Variants in TMEM131L observed in about 807,000 individuals in gnomAD.
TMEM131L encodes the protein transmembrane 131 like.
A neutral mutation model predicts 192.2 loss-of-function variants in TMEM131L; 54 were observed. The ratio of observed to expected loss-of-function variants is 0.28; its 90% CI spans 0.23 to 0.35. The LOEUF (loss-of-function observed/expected upper bound fraction) is 0.35. Ranked by LOEUF, TMEM131L falls within the 10% of genes least tolerant of loss-of-function variation. The probability of loss-of-function intolerance (pLI) is 1.00; values close to 1 mark genes in which losing one functional copy is unlikely to be tolerated. For synonymous variants in TMEM131L, 701 were observed against 704.9 expected (o/e 0.99, Z 0.09); for missense variants, 1,888 against 1,972.9 (o/e 0.96, Z 0.82).
chr4:153,617,999 A>T (rs1733114686), intron 26 of TMEM131L, among the ~76,000 whole-genome samples: 1 of 151,848 alleles, frequency 6.6e-6, no homozygotes, highest in Non-Finnish European at 1.5e-5. Flanking sequence ...AATATTGTGT[A>T]TCAGAGATTT....
chr4:153,593,737 T>G (rs1578822211), intron 18 of TMEM131L, 62 bp from the exon 19 acceptor site: 4 of 1,082,386 alleles, frequency 3.7e-6, no homozygotes. Context: ...CACACACTTA[T>G]TAAATCTTTC....
Position 153,562,449 on chromosome 4 carries a change from G to A in TMEM131L, c.660+4081G>A, listed in dbSNP as rs80120098. Among the ~76,000 whole-genome samples, 580 of 152,284 alleles carry A rather than the reference G, an allele frequency of 3.8e-3. 4 individuals carry two copies. The highest frequency in any genetic ancestry group is 0.013 in the African/African-American group (544 of 41,554). ...AAAAAATCTTGACTATAATATTTCT[G>A]CATCTAAATTGCATACATTATGTGA... On this transcript the variant is annotated intron_variant, in intron 7 of 34. Coordinates refer to ENST00000409959, the MANE Select transcript of TMEM131L (RefSeq NM_001131007.2).
intron 21 of TMEM131L, among the ~76,000 whole-genome samples, chr4:153,599,913 T>C (rs534726083): frequency 5.9e-5 from 9 of 152,002 alleles, no homozygotes; most frequent in Admixed American, 3.9e-4. Context: ...CAAAAATTAG[T>C]CAGGCATGGT....
intron 26 of TMEM131L, among the ~76,000 whole-genome samples, chr4:153,617,254 T>G (rs1433057398): frequency 6.6e-6 from 1 of 152,232 alleles, no homozygotes. Flanking sequence ...CTGCCATGAT[T>G]GTGAGGCCTC....
At chr4:153,508,707 C>G (rs1328128052) in intron 3 of TMEM131L, among the ~76,000 whole-genome samples, 2 of 150,118 alleles carry the variant, frequency 1.3e-5, no homozygotes, top group African/African-American at 4.9e-5. Flanking sequence ...GCTCGGACAC[C>G]CAGGCTGGAG....
rs143110134 is a variant in TMEM131L, at chr4:153,551,144, T to G, written c.308+1003T>G. 2.6e-5 allele frequency among the ~76,000 whole-genome samples: 4 copies of G among 152,288 alleles called. No individual in the cohort carries two copies. The East Asian group carries it at 7.7e-4, about 29-fold the overall frequency. On this transcript the variant is annotated intron_variant, in intron 4 of 34. Coordinates refer to ENST00000409959, the MANE Select transcript of TMEM131L (RefSeq NM_001131007.2). Reference sequence around the variant, plus strand: ...AAGAGCGAGAGGTAAAAGCACTGCTTGTTTCCGGGGCTGGCAAATAACACT... The same window carrying G: ...AAGAGCGAGAGGTAAAAGCACTGCTGGTTTCCGGGGCTGGCAAATAACACT...
At chr4:153,592,386 C>T in intron 17 of TMEM131L, 89 bp from the exon 18 acceptor site, 1 of 805,894 alleles carries the variant, frequency 1.2e-6, no homozygotes, top group Non-Finnish European at 2.2e-6. Context: ...GATATTTCCT[C>T]ATGATTAGGT....
At chr4:153,517,470 A>G (rs560471637) in intron 3 of TMEM131L, among the ~76,000 whole-genome samples, 35 of 151,342 alleles carry the variant, frequency 2.3e-4, no homozygotes, top group Admixed American at 6.6e-4. Flanking sequence ...TATAGTGTGT[A>G]TTTTTTTTTC....
intron 3 of TMEM131L, among the ~76,000 whole-genome samples, chr4:153,503,485 C>A (rs1472436585): frequency 3.3e-5 from 5 of 152,056 alleles, no homozygotes; most frequent in Admixed American, 3.3e-4. Context: ...ATTATTTATA[C>A]AAAATTCTAT....
chr4:153,617,510 G>T (rs778972466), intron 26 of TMEM131L, among the ~76,000 whole-genome samples: 1 of 152,192 alleles, frequency 6.6e-6, no homozygotes, highest in Non-Finnish European at 1.5e-5. Context: ...TAGTCAGTGT[G>T]ATAGGTGAGC....
intron 13 of TMEM131L, 122 bp downstream of exon 13, chr4:153,585,733 A>G (rs1730659746): frequency 6.9e-6 from 4 of 582,606 alleles, no homozygotes; most frequent in East Asian, 7.3e-5. Flanking sequence ...GTTATTATTT[A>G]TATAAAATTT....
intron 7 of TMEM131L, among the ~76,000 whole-genome samples, chr4:153,572,592 A>G (rs2150630141): frequency 6.6e-6 from 1 of 152,142 alleles, no homozygotes. Flanking sequence ...CAGCCTCCCA[A>G]AGTGCTGGTA....
chr4:153,616,358 TTCATTTGGCGAAAA>T (rs202206630), intron 26 of TMEM131L, among the ~76,000 whole-genome samples: 1,821 of 152,382 alleles, frequency 0.012, 79 homozygotes, highest in Admixed American at 0.083. Context: ...CATTTCATTG[TTCATTTGGCGAAAA>T]TCATTCTTAA....
chr4:153,533,265 G>A (rs1474307519), intron 3 of TMEM131L, among the ~76,000 whole-genome samples: 6 of 152,122 alleles, frequency 3.9e-5, no homozygotes, highest in African/African-American at 9.7e-5. Flanking sequence ...GATTACAGGC[G>A]TAAGCTACCG....
At position 153,555,922 on chromosome 4, in the gene TMEM131L, T is replaced by C. The variant is rs1728402990; in HGVS notation, c.432+12T>C. The C allele has an allele frequency of 1.3e-6, 2 of 1,550,988 alleles. No individual in the cohort carries two copies. The highest frequency in any genetic ancestry group is 1.4e-5 in the African/African-American group (1 of 73,026). ...CAGTTCCCTGCAGGGTGGGTGTTGATGGACTCCTGGAAACTATGCCGTGGC... is the reference window on the plus strand; with the variant it reads ...CAGTTCCCTGCAGGGTGGGTGTTGACGGACTCCTGGAAACTATGCCGTGGC... On this transcript the variant is annotated intron_variant, in intron 5 of 34. Transcript: ENST00000409959. The surrounding 1 kb of genome is among the most constrained non-coding windows in gnomAD (Gnocchi z 4.1).
chr4:153,491,447 G>A (rs1029171364), intron 3 of TMEM131L, among the ~76,000 whole-genome samples: 2 of 152,008 alleles, frequency 1.3e-5, no homozygotes, highest in African/African-American at 2.4e-5. Flanking sequence ...CTAGTCTTTC[G>A]TATTACTGTT....
chr4:153,492,003 T>C (rs1243536174), intron 3 of TMEM131L, among the ~76,000 whole-genome samples: 2 of 151,904 alleles, frequency 1.3e-5, no homozygotes, highest in Non-Finnish European at 2.9e-5. Context: ...CCTGGCAGTT[T>C]TTTCCTTCTT....
intron 3 of TMEM131L, among the ~76,000 whole-genome samples, chr4:153,533,161 T>A (rs982965577): frequency 6.6e-6 from 1 of 152,078 alleles, no homozygotes; most frequent in African/African-American, 2.4e-5. Context: ...TAATTTTGTA[T>A]TTTTGTAGAG....
At chr4:153,546,186 C>A (rs767141470) in intron 3 of TMEM131L, among the ~76,000 whole-genome samples, 16 of 151,292 alleles carry the variant, frequency 1.1e-4, no homozygotes, top group African/African-American at 3.6e-4. Context: ...CCACTGCACC[C>A]GGTCCATTTT....
Sources: gnomAD v4.1 joint callset for allele counts (sites outside exome capture counted in the v4.1 genomes callset) on GRCh38, gnomAD v4.1.1 for gene constraint, Gnocchi (gnomAD v3.1) non-coding constraint, MANE v1.5 for transcripts, NCBI Gene and HGNC (gene_info 2026-07-23, HGNC 2026-07-21) for gene names.